Variants in TMC1 observed in about 807,000 individuals in gnomAD.
The protein encoded by TMC1 is transmembrane channel like 1.
TMC1 carries 84 observed loss-of-function variants against 105.8 expected under a neutral mutation model. That is an observed-to-expected ratio of 0.79 (90% confidence interval 0.67 to 0.95). The LOEUF (loss-of-function observed/expected upper bound fraction) is 0.95, where lower values mean the gene tolerates loss of function less well. Ranked by LOEUF, TMC1 falls within the 40% of genes least tolerant of loss-of-function variation. TMC1 has a pLI of 0.00. For missense variants in TMC1, 817 were observed against 914.1 expected, an observed-to-expected ratio of 0.89 and a Z score of 1.37; for synonymous variants, 315 against 311.5, an observed-to-expected ratio of 1.01 and a Z score of -0.12.
intron 1 of TMC1, among the ~76,000 whole-genome samples, chr9:72,567,174 T>C (rs1470255004): frequency 6.6e-6 from 1 of 152,256 alleles, no homozygotes; most frequent in Non-Finnish European, 1.5e-5. Context: ...AACATTTTCC[T>C]GACTCCTCGT....
At chr9:72,736,802 C>T (rs991081354) in intron 8 of TMC1, among the ~76,000 whole-genome samples, 4 of 151,710 alleles carry the variant, frequency 2.6e-5, no homozygotes, top group Admixed American at 6.6e-5. Flanking sequence ...CTAAAAATCC[C>T]GACACTATGC....
At chr9:72,801,754 C>A in intron 17 of TMC1, among the ~76,000 whole-genome samples, 1 of 152,200 alleles carries the variant, frequency 6.6e-6, no homozygotes, top group East Asian at 1.9e-4. Flanking sequence ...GACAAGCACA[C>A]AAGGAACTAG....
At chr9:72,751,761 A>G (rs1479432232) in intron 10 of TMC1, 89 bp from the exon 11 acceptor site, 2 of 819,016 alleles carry the variant, frequency 2.4e-6, no homozygotes, top group African/African-American at 3.4e-5. Context: ...CAATTAATGG[A>G]TTCATTTTGA....
intron 17 of TMC1, among the ~76,000 whole-genome samples, chr9:72,794,343 CAGCTCTCA>C (rs1356249954): frequency 6.6e-6 from 1 of 150,762 alleles, no homozygotes; most frequent in Non-Finnish European, 1.5e-5. Context: ...AATCTACAGC[CAGCTCTCA>C]AGGGGGAAAG....
intron 1 of TMC1, among the ~76,000 whole-genome samples, chr9:72,571,326 A>AAAAAG (rs1330383880): frequency 5.3e-5 from 8 of 151,932 alleles, no homozygotes; most frequent in Non-Finnish European, 8.8e-5. Context: ...CTGTCTCAAA[A>AAAAAG]AAAAGAAAAG....
intron 1 of TMC1, among the ~76,000 whole-genome samples, chr9:72,555,428 C>T (rs1054127272): frequency 1.3e-5 from 2 of 151,868 alleles, no homozygotes; most frequent in African/African-American, 4.8e-5. Context: ...ACCTCGTGAC[C>T]CTCCCTCCTT....
intron 17 of TMC1, among the ~76,000 whole-genome samples, chr9:72,799,143 T>C (rs1828425591): frequency 1.3e-5 from 2 of 152,224 alleles, no homozygotes; most frequent in Admixed American, 1.3e-4. Flanking sequence ...TTGAAAAGCT[T>C]TTATGATTTC....
intron 3 of TMC1, among the ~76,000 whole-genome samples, chr9:72,620,950 C>G (rs1192835058): frequency 6.6e-6 from 1 of 152,156 alleles, no homozygotes; most frequent in African/African-American, 2.4e-5. Flanking sequence ...TTGCACCACC[C>G]ACCTGTGTCA....
intron 12 of TMC1, among the ~76,000 whole-genome samples, chr9:72,759,910 G>A (rs1359921238): frequency 6.6e-6 from 1 of 152,082 alleles, no homozygotes; most frequent in Non-Finnish European, 1.5e-5. Context: ...CTCACTGACT[G>A]CTCCTGGAAC....
At chr9:72,830,735 T>G (rs1440525864) in intron 23 of TMC1, 53 bp downstream of exon 23, 7 of 1,477,666 alleles carry the variant, frequency 4.7e-6, no homozygotes, top group Non-Finnish European at 6.4e-6. Context: ...TTTCTTTTTC[T>G]TTCTTTTTTT....
chr9:72,784,041 T>C (rs1828132152), intron 13 of TMC1, among the ~76,000 whole-genome samples: 1 of 152,088 alleles, frequency 6.6e-6, no homozygotes, highest in African/African-American at 2.4e-5. Context: ...CCAAAAGCAA[T>C]TGCAATAAAA....
chr9:72,771,100 A>G (rs1273412121), intron 12 of TMC1, among the ~76,000 whole-genome samples: 1 of 152,194 alleles, frequency 6.6e-6, no homozygotes, highest in Non-Finnish European at 1.5e-5. Context: ...TTAAACTGAA[A>G]AATGCAGATA....
At chr9:72,703,009 G>C (rs907991728) in intron 8 of TMC1, among the ~76,000 whole-genome samples, 1 of 151,878 alleles carries the variant, frequency 6.6e-6, no homozygotes, top group Admixed American at 6.6e-5. Flanking sequence ...CATGTGTTTT[G>C]TTTCTTTTTC....
chr9:72,784,592 A>G (rs55829283), intron 13 of TMC1, among the ~76,000 whole-genome samples: 13,799 of 152,262 alleles, frequency 0.091, 794 homozygotes, highest in Non-Finnish European at 0.14. Context: ...ATTACTGGGT[A>G]AATATCAAAG....
Position 72,752,636 on chromosome 9 carries a change from A to G in TMC1, c.642+680A>G, listed in dbSNP as rs181056560. On this transcript the variant is annotated intron_variant, in intron 11 of 23. Coordinates refer to ENST00000297784, the MANE Select transcript of TMC1 (RefSeq NM_138691.3). ...GACTGAGGTCAGAGCCTTCACTCAT[A>G]TGAAGTTAAATGATTCTGACACCTT... Among the ~76,000 whole-genome samples the G allele has an allele frequency of 6.9e-3, 1,045 of 152,310 alleles. 5 individuals carry two copies. The highest frequency in any genetic ancestry group is 0.012 in the Non-Finnish European group (801 of 68,024).
chr9:72,776,067 G>A (rs1261234883), intron 13 of TMC1, among the ~76,000 whole-genome samples: 1 of 152,114 alleles, frequency 6.6e-6, no homozygotes, highest in African/African-American at 2.4e-5. Context: ...GAGACAAACA[G>A]CGAAAACTCA....
At chr9:72,819,010 G>T (rs979444571) in intron 19 of TMC1, among the ~76,000 whole-genome samples, 1 of 152,164 alleles carries the variant, frequency 6.6e-6, no homozygotes, top group Non-Finnish European at 1.5e-5. Context: ...TCTCGATTTT[G>T]AATTACGTGC....
intron 13 of TMC1, among the ~76,000 whole-genome samples, chr9:72,774,849 A>C (rs1047605396): frequency 6.6e-6 from 1 of 152,174 alleles, no homozygotes; most frequent in Non-Finnish European, 1.5e-5. Flanking sequence ...TCCTACTCCT[A>C]TCCCAGTCAA....
At chr9:72,812,090 T>G (rs1200859642) in intron 18 of TMC1, among the ~76,000 whole-genome samples, 1 of 152,182 alleles carries the variant, frequency 6.6e-6, no homozygotes, top group Non-Finnish European at 1.5e-5. Flanking sequence ...TCATGTTGAA[T>G]TTACACCGTA....
Sources: allele counts gnomAD v4.1 joint callset (sites outside exome capture counted in the v4.1 genomes callset), GRCh38; gene constraint gnomAD v4.1.1; transcripts MANE v1.5; gene names NCBI Gene and HGNC (gene_info 2026-07-23, HGNC 2026-07-21).